Variants in COLGALT2 observed in about 807,000 individuals in gnomAD.
COLGALT2 encodes the protein procollagen galactosyltransferase 2.
Under a neutral mutation model 73.4 loss-of-function variants are expected in COLGALT2, and 49 were observed. The observed-to-expected ratio is 0.67, with a 90% CI of 0.53 to 0.85. The LOEUF is 0.85. Ranked by LOEUF, COLGALT2 falls within the 40% of genes least tolerant of loss-of-function variation. The probability of loss-of-function intolerance (pLI) is 0.00; values close to 1 mark genes in which losing one functional copy is unlikely to be tolerated. For synonymous variants in COLGALT2, 295 were observed against 307.6 expected (o/e 0.96, Z 0.43); for missense variants, 722 against 790.2 (o/e 0.91, Z 1.03).
Position 183,938,403 on chromosome 1 carries a change from C to A in COLGALT2, c.*358G>T. 1 of 1,069,032 alleles carries A rather than the reference C, an allele frequency of 9.4e-7. No individual in the cohort carries two copies. The highest frequency in any genetic ancestry group is 1.1e-6 in the Non-Finnish European group (1 of 881,994). The allele number at this position is 1,069,032 out of a possible 1,614,324, so 66.2% of individuals were successfully genotyped here. ...CTTGACTACATATTTGCTGATGTGA[C>A]AGCTCGGTGATCACTTTCTCTTGAA... is the stretch of plus-strand genomic sequence containing the variant. On this transcript the variant is annotated 3_prime_UTR_variant, in exon 12 of 12. Coordinates refer to ENST00000361927, the MANE Select transcript of COLGALT2 (RefSeq NM_015101.4).
At chr1:183,930,015 T>C (rs1348482987) in exon 12 of COLGALT2, 1 of 284,552 alleles carries the variant, frequency 3.5e-6, no homozygotes, top group Non-Finnish European at 7.1e-6. Flanking sequence ...GTCACAGTGA[T>C]GATAAAGAGA....
In COLGALT2 at chr1:183,975,106, G is replaced by T; in HGVS notation, c.483C>A (p.Asp161Glu). 6.2e-7 allele frequency: 1 copy of T among 1,610,420 alleles called. No homozygotes were observed. Among genetic ancestry groups the T allele is most frequent in the Non-Finnish European group, 8.5e-7 (1 of 1,176,652 alleles). The stretch of plus-strand genomic sequence containing the variant: ...AAACATCTGTTTTTACCAGAATGTA[G>T]TCTGACCATTTTTCCCTCGCAGTTC... ...ALRTAREKWS[D>E]YILFIDVDNF... The change falls in exon 3 of 12, where the codon GAC becomes GAA. Residue 161 changes from aspartate to glutamate, a missense_variant. Asp to Glu is a conservative substitution (Grantham distance 45, BLOSUM62 2). Coordinates refer to ENST00000361927, the MANE Select transcript of COLGALT2 (RefSeq NM_015101.4).
intron 1 of COLGALT2, among the ~76,000 whole-genome samples, chr1:184,018,099 A>G (rs920189070): frequency 6.6e-6 from 1 of 152,330 alleles, no homozygotes; most frequent in Non-Finnish European, 1.5e-5. Flanking sequence ...CACAATTGTC[A>G]TGTTAGTTAA....
At chr1:183,972,608 AAAT>A (rs1339129615) in intron 4 of COLGALT2, among the ~76,000 whole-genome samples, 1 of 152,230 alleles carries the variant, frequency 6.6e-6, no homozygotes, top group African/African-American at 2.4e-5. Context: ...AATTTTATAA[AAAT>A]AACCTACCAT....
chr1:184,017,728 T>C (rs1216713987), intron 1 of COLGALT2, among the ~76,000 whole-genome samples: 2 of 152,188 alleles, frequency 1.3e-5, no homozygotes, highest in Non-Finnish European at 2.9e-5. Context: ...GATGGGCCCC[T>C]GGAGCAGGCA....
intron 1 of COLGALT2, among the ~76,000 whole-genome samples, chr1:183,997,025 T>A (rs897403552): frequency 6.6e-6 from 1 of 152,050 alleles, no homozygotes; most frequent in African/African-American, 2.4e-5. Context: ...ATAAACAAAT[T>A]CATGGCGTGG....
chr1:184,036,944 C>A (rs1157049133), intron 1 of COLGALT2, 151 bp downstream of exon 1: 4 of 618,810 alleles, frequency 6.5e-6, no homozygotes, highest in Non-Finnish European at 9.1e-6. Flanking sequence ...CCGGCGCGGG[C>A]AGCGAGGGGG....
At chr1:183,980,210 G>A (rs1671311607) in intron 1 of COLGALT2, among the ~76,000 whole-genome samples, 1 of 151,676 alleles carries the variant, frequency 6.6e-6, no homozygotes, top group African/African-American at 2.4e-5. Context: ...AAGCAACAAA[G>A]CAAACATATA....
At chr1:183,950,776 T>C (rs1168919108) in intron 8 of COLGALT2, among the ~76,000 whole-genome samples, 16 of 152,152 alleles carry the variant, frequency 1.1e-4, no homozygotes, top group Admixed American at 1.0e-3. Context: ...TCACATCCAA[T>C]GTGAGCCTTC....
chr1:183,986,650 T>A (rs1671496157), intron 1 of COLGALT2, among the ~76,000 whole-genome samples: 1 of 152,222 alleles, frequency 6.6e-6, no homozygotes, highest in African/African-American at 2.4e-5. Context: ...ATAATTGAGC[T>A]ATTTTTTATA....
intron 1 of COLGALT2, among the ~76,000 whole-genome samples, chr1:184,001,285 AGCTTAACTATGATGCATCAAGTTGTG>A (rs1159981438): frequency 1.3e-5 from 2 of 152,132 alleles, no homozygotes; most frequent in Non-Finnish European, 2.9e-5. Flanking sequence ...AATATTTTTC[AGCTTAACTATGATGCATCAAGTTGTG>A]GCTTTCTTTT....
chr1:184,009,452 C>T (rs1343118303), intron 1 of COLGALT2, among the ~76,000 whole-genome samples: 1 of 152,156 alleles, frequency 6.6e-6, no homozygotes, highest in East Asian at 1.9e-4. Flanking sequence ...GTCAATTATG[C>T]CAGAAAGCTC....
chr1:183,939,666 A>G (rs1670056233), intron 11 of COLGALT2, among the ~76,000 whole-genome samples: 2 of 152,220 alleles, frequency 1.3e-5, no homozygotes, highest in Admixed American at 1.3e-4. Flanking sequence ...TGTTATATAC[A>G]AGAGGGCACA....
chr1:183,969,252 C>T lies in COLGALT2; in HGVS notation c.832+17G>A. The T allele has an allele frequency of 6.3e-7, 1 of 1,597,906 alleles. No individual in the cohort carries two copies. The highest frequency in any genetic ancestry group is 8.5e-7 in the Non-Finnish European group (1 of 1,171,150). ...CTGTGTCTCCATTGTGGCACTACAA[C>T]CAAAGACAAACAGTACCTGCTTGCC... On this transcript the variant is annotated intron_variant, in intron 5 of 11. Transcript: ENST00000361927.
chr1:183,993,562 C>T (rs756639585), intron 1 of COLGALT2, among the ~76,000 whole-genome samples: 10 of 152,116 alleles, frequency 6.6e-5, no homozygotes, highest in Non-Finnish European at 1.3e-4. Context: ...CAAAAAAGGA[C>T]CCAATGACTC....
At chr1:183,945,378 C>T in intron 9 of COLGALT2, 54 bp downstream of exon 9, 1 of 1,594,588 alleles carries the variant, frequency 6.3e-7, no homozygotes, top group Non-Finnish European at 8.5e-7. Context: ...CTACGATAGC[C>T]TGCTTTCCTT....
intron 1 of COLGALT2, among the ~76,000 whole-genome samples, chr1:184,002,088 A>G (rs1048292579): frequency 2.0e-5 from 3 of 152,254 alleles, no homozygotes; most frequent in African/African-American, 7.2e-5. Flanking sequence ...GCTGCTACTG[A>G]AAGCAAACAC....
chr1:184,034,128 C>G (rs1160872843), intron 1 of COLGALT2, among the ~76,000 whole-genome samples: 1 of 152,114 alleles, frequency 6.6e-6, no homozygotes, highest in African/African-American at 2.4e-5. Flanking sequence ...CATAAGCTTC[C>G]CAGCCAAATA....
rs927678626 is a variant in COLGALT2, at chr1:183,985,555, G to A, written c.264-7035C>T. Among the ~76,000 whole-genome samples, 3 of 152,318 alleles carry A rather than the reference G, an allele frequency of 2.0e-5. No homozygotes were observed. The East Asian group carries it at 5.8e-4, about 29-fold the overall frequency. Reference sequence around the variant, plus strand: ...CCCAAAGTGCTGGGATTACAGGCATGAGCCACCGCACCCGGCCAGGACACG... The same window carrying A: ...CCCAAAGTGCTGGGATTACAGGCATAAGCCACCGCACCCGGCCAGGACACG... On this transcript the variant is annotated intron_variant, in intron 1 of 11. Coordinates refer to ENST00000361927, the MANE Select transcript of COLGALT2 (RefSeq NM_015101.4).
Sources: allele counts gnomAD v4.1 joint callset (sites outside exome capture counted in the v4.1 genomes callset), GRCh38; gene constraint gnomAD v4.1.1; transcripts MANE v1.5; gene names NCBI Gene and HGNC (gene_info 2026-07-23, HGNC 2026-07-21).